Variants in TMC7 observed in about 807,000 individuals in gnomAD.
The protein encoded by TMC7 is transmembrane channel-like protein 7.
TMC7 carries 54 observed loss-of-function variants against 82.9 expected under a neutral mutation model. That is an observed-to-expected ratio of 0.65 (90% confidence interval 0.52 to 0.82). The LOEUF is 0.82. Among genes scored for constraint, TMC7 ranks in the 40% least tolerant of loss-of-function variants. TMC7 has a pLI of 0.00. For missense variants in TMC7, 820 were observed against 901.2 expected, an observed-to-expected ratio of 0.91 and a Z score of 1.15; for synonymous variants, 350 against 337.9, an observed-to-expected ratio of 1.04 and a Z score of -0.39.
intron 1 of TMC7, among the ~76,000 whole-genome samples, chr16:18,998,902 G>A (rs912153927): frequency 6.6e-6 from 1 of 152,172 alleles, no homozygotes; most frequent in Admixed American, 6.5e-5. Flanking sequence ...CCCCACCCAG[G>A]TGCCAGTTGA....
chr16:19,030,581 T>C (rs577846893), intron 6 of TMC7, among the ~76,000 whole-genome samples: 223 of 150,150 alleles, frequency 1.5e-3, no homozygotes, highest in South Asian at 3.1e-3. Flanking sequence ...GGTTCTTCTT[T>C]TTTTTTTTTT....
chr16:18,994,841 A>G (rs1405048684), intron 1 of TMC7, among the ~76,000 whole-genome samples: 1 of 152,218 alleles, frequency 6.6e-6, no homozygotes, highest in Non-Finnish European at 1.5e-5. Flanking sequence ...AAGTGATAAC[A>G]GGCTTTAATC....
chr16:19,013,620 C>T (rs947337981), intron 2 of TMC7, among the ~76,000 whole-genome samples: 3 of 152,060 alleles, frequency 2.0e-5, no homozygotes, highest in East Asian at 1.9e-4. Flanking sequence ...CGGGTTTCAG[C>T]GACTGTCCCA....
intron 15 of TMC7, among the ~76,000 whole-genome samples, chr16:19,061,536 C>T (rs1180679346): frequency 6.6e-6 from 1 of 151,586 alleles, no homozygotes; most frequent in Non-Finnish European, 1.5e-5. Flanking sequence ...CCACCTGCCT[C>T]GGCCTCCCAA....
At chr16:19,044,271 ACAATCCTCTGGGCTCAAG>A (rs1961157308) in intron 9 of TMC7, among the ~76,000 whole-genome samples, 1 of 152,046 alleles carries the variant, frequency 6.6e-6, no homozygotes, top group Non-Finnish European at 1.5e-5. Context: ...CTGGGCTCAA[ACAATCCTCTGGGCTCAAG>A]CAATCCTCTT....
chr16:19,003,158 C>G (rs2039171021), intron 1 of TMC7, among the ~76,000 whole-genome samples: 1 of 152,032 alleles, frequency 6.6e-6, no homozygotes, highest in Admixed American at 6.6e-5. Context: ...AAGCAAGACC[C>G]CGTCTCTACT....
At chr16:18,993,746 C>T (rs1204632383) in intron 1 of TMC7, among the ~76,000 whole-genome samples, 3 of 152,102 alleles carry the variant, frequency 2.0e-5, no homozygotes, top group Admixed American at 6.6e-5. Context: ...CATATAACAG[C>T]ATGGTGGTGC....
At chr16:18,989,655 C>G (rs1223082913) in intron 1 of TMC7, among the ~76,000 whole-genome samples, 1 of 147,288 alleles carries the variant, frequency 6.8e-6, no homozygotes, top group Non-Finnish European at 1.5e-5. Context: ...AGGGTCTCTG[C>G]TTTCATGGAG....
At chr16:19,014,344 G>C (rs913327301) in intron 2 of TMC7, among the ~76,000 whole-genome samples, 1 of 152,088 alleles carries the variant, frequency 6.6e-6, no homozygotes. Context: ...ATGTTCCTTG[G>C]GGGGTATGCA....
intron 11 of TMC7, among the ~76,000 whole-genome samples, chr16:19,045,955 T>G (rs1228708286): frequency 2.0e-5 from 3 of 151,852 alleles, no homozygotes; most frequent in African/African-American, 7.3e-5. Context: ...GGTCTCGAAC[T>G]GGCCTCAAAC....
At chr16:19,010,345 G>A (rs1032225734) in intron 2 of TMC7, among the ~76,000 whole-genome samples, 1 of 151,942 alleles carries the variant, frequency 6.6e-6, no homozygotes, top group Non-Finnish European at 1.5e-5. Flanking sequence ...GTAGAGACAG[G>A]GTTTCACCAT....
At chr16:19,047,934 C>T (rs372166944) in intron 12 of TMC7, among the ~76,000 whole-genome samples, 2 of 151,374 alleles carry the variant, frequency 1.3e-5, no homozygotes, top group Non-Finnish European at 2.9e-5. Context: ...CTCCTGACCT[C>T]GTGATCCACC....
chr16:18,995,643 A>G (rs2039031248), intron 1 of TMC7, among the ~76,000 whole-genome samples: 1 of 152,204 alleles, frequency 6.6e-6, no homozygotes, highest in South Asian at 2.1e-4. Context: ...GCTGCGGTTC[A>G]GACGTTTTGA....
rs763699111 is a variant in TMC7 at position 19,056,651 on chromosome 16, G to A, written c.1981G>A (p.Gly661Ser). The change falls in exon 14 of 16, where the codon GGT (glycine) becomes AGT (serine). Residue 661 changes from glycine (G) to serine (S), a missense_variant. Around this residue, in one of 2 missense-constraint regions of TMC7, gnomAD observed 170 missense variants for 231.3 expected, o/e 0.74. Coordinates refer to ENST00000304381, the MANE Select transcript of TMC7 (RefSeq NM_024847.4). ...FPSSLQSFIHGVTSEAFAVPF... is the reference protein window; with the variant it reads ...FPSSLQSFIHSVTSEAFAVPF... ...CAGCTCGCTGCAGTCCTTCATCCAT[G>A]GTGTCACATCCGAAGCCTTTGCAGT... 1 of 1,614,042 alleles carries A rather than the reference G, an allele frequency of 6.2e-7. No homozygotes were observed. The highest frequency in any genetic ancestry group is 2.2e-5 in the East Asian group (1 of 44,870).
Position 19,045,356 on chromosome 16 carries a change from G to A in TMC7, c.1471G>A (p.Val491Ile), listed in dbSNP as rs1596785756. Residue 491 changes from valine (V) to isoleucine (I), a missense_variant, in exon 11 of 16, where the codon GTT becomes ATT. Val to Ile is a conservative substitution (Grantham distance 29). Coordinates refer to ENST00000304381, the MANE Select transcript of TMC7 (RefSeq NM_024847.4). ...TTGATTTCAGTGCTGGGAGACCCAAGTTGGGCAGGAAATGTACAAGCTGAT... is the reference window on the plus strand; with the variant it reads ...TTGATTTCAGTGCTGGGAGACCCAAATTGGGCAGGAAATGTACAAGCTGAT... ...QKLYPCWETQ[V>I]GQEMYKLMIF... The A allele has an allele frequency of 6.2e-7, 1 of 1,614,016 alleles. No individual in the cohort carries two copies. The highest frequency in any genetic ancestry group is 8.5e-7 in the Non-Finnish European group (1 of 1,179,950).
rs1567533052 is a variant in TMC7 at position 19,059,511 on chromosome 16, C to T, written c.2106+17C>T. ...CTATCCCTGGTAAGGAAGCATAGCTCCAGAGGGTCATGGCTGGGGACATTT... is the reference window on the plus strand; with the variant it reads ...CTATCCCTGGTAAGGAAGCATAGCTTCAGAGGGTCATGGCTGGGGACATTT... On this transcript the variant is annotated intron_variant, in intron 15 of 15. Transcript: ENST00000304381. The T allele has an allele frequency of 1.9e-6, 3 of 1,614,072 alleles. No individual in the cohort carries two copies. Among genetic ancestry groups the T allele is most frequent in the Non-Finnish European group, 2.5e-6 (3 of 1,180,018 alleles).
chr16:19,012,091 C>T (rs1206481584), intron 2 of TMC7: 1 of 149,680 alleles, frequency 6.7e-6, no homozygotes, highest in African/African-American at 2.5e-5. Context: ...GATGGCACCA[C>T]TGCACTTCAG....
intron 1 of TMC7, among the ~76,000 whole-genome samples, chr16:19,008,491 C>T (rs1038378047): frequency 3.9e-5 from 6 of 152,108 alleles, no homozygotes; most frequent in Non-Finnish European, 8.8e-5. Context: ...GGCAGTCATC[C>T]CACATAGTCT....
intron 5 of TMC7, among the ~76,000 whole-genome samples, chr16:19,028,648 A>G (rs1292569927): frequency 7.0e-6 from 1 of 143,858 alleles, no homozygotes; most frequent in Non-Finnish European, 1.5e-5. Context: ...AGCTTCTTTA[A>G]TTATTATTAT....
Sources: allele counts gnomAD v4.1 joint callset (sites outside exome capture counted in the v4.1 genomes callset), GRCh38; gene constraint gnomAD v4.1.1; regional missense constraint gnomAD v4.1.1; transcripts MANE v1.5; gene names NCBI Gene and HGNC (gene_info 2026-07-23, HGNC 2026-07-21).